The following TDRD9 variants were observed in gnomAD, a reference collection of about 807,000 sequenced individuals.
TDRD9 encodes ATP-dependent RNA helicase TDRD9.
Under a neutral mutation model 172.6 loss-of-function variants are expected in TDRD9, and 124 were observed. That is an observed-to-expected ratio of 0.72 (90% CI 0.62 to 0.83). TDRD9 has a LOEUF of 0.83. Among genes scored for constraint, TDRD9 ranks in the 40% least tolerant of loss-of-function variants. The pLI is 0.00. For missense variants in TDRD9, 1,479 were observed against 1,714.1 expected (o/e 0.86, Z 2.42); for synonymous variants, 619 against 617.1 (o/e 1.00, Z -0.05).
intron 6 of TDRD9, 143 bp downstream of exon 6, chr14:103,970,764 T>G: frequency 4.6e-6 from 3 of 648,816 alleles, no homozygotes; most frequent in Non-Finnish European, 8.0e-6. Flanking sequence ...TCAAGTGCCT[T>G]ATATGAAATG....
At chr14:103,934,664 C>A (rs2030635362) in intron 1 of TDRD9, among the ~76,000 whole-genome samples, 1 of 152,204 alleles carries the variant, frequency 6.6e-6, no homozygotes. Flanking sequence ...CGCCTGTAGT[C>A]CCCGCTACTC....
At chr14:104,020,184 C>A (rs1260707889) in intron 23 of TDRD9, among the ~76,000 whole-genome samples, 1 of 152,126 alleles carries the variant, frequency 6.6e-6, no homozygotes, top group Non-Finnish European at 1.5e-5. Flanking sequence ...CACTTGGAGA[C>A]CTTTGAGTGG....
intron 33 of TDRD9, among the ~76,000 whole-genome samples, chr14:104,041,311 G>T (rs1227402950): frequency 6.6e-6 from 1 of 152,174 alleles, no homozygotes; most frequent in East Asian, 1.9e-4. Flanking sequence ...GTGTGACTTT[G>T]GGTGTGGCAT....
chr14:103,933,282 G>C (rs985704487), intron 1 of TDRD9, among the ~76,000 whole-genome samples: 1 of 152,212 alleles, frequency 6.6e-6, no homozygotes, highest in Admixed American at 6.5e-5. Flanking sequence ...GTGGATTGCA[G>C]CCCATGGCTG....
chr14:104,026,573 G>T lies in TDRD9; in HGVS notation c.3022-106G>T, dbSNP rs1438958552. The stretch of plus-strand genomic sequence containing the variant: ...ATTAGTTTTATTGGGACTTTTATGA[G>T]AATATTATTGAAGGTACATGAACAA... On this transcript the variant is annotated intron_variant, in intron 27 of 35. Coordinates refer to ENST00000409874, the MANE Select transcript of TDRD9 (RefSeq NM_153046.3). The T allele has an allele frequency of 5.3e-6, 7 of 1,318,698 alleles. No homozygotes were observed. In the Admixed American group the frequency reaches 1.6e-4, roughly 29 times the overall value. 81.7% of individuals were successfully genotyped at this position (1,318,698 alleles called of 1,614,324 possible). A position where few individuals can be genotyped will look rare whatever the true frequency, so the allele number is the denominator to read the frequency against.
intron 7 of TDRD9, among the ~76,000 whole-genome samples, chr14:103,981,777 A>G (rs1053895088): frequency 6.6e-6 from 1 of 152,264 alleles, no homozygotes; most frequent in Non-Finnish European, 1.5e-5. Flanking sequence ...TAACTTATTG[A>G]ATACTGCACT....
rs1391119867 is a variant in TDRD9, at chr14:103,984,140, CAG to C, written c.1012-2074_1012-2073del. Among the ~76,000 whole-genome samples the C allele has an allele frequency of 1.1e-4, 16 of 152,238 alleles. No homozygotes were observed. The East Asian group carries it at 3.1e-3, about 29-fold the overall frequency. On this transcript the variant is annotated intron_variant, in intron 7 of 35. Transcript: ENST00000409874. ...AAGGCATTCAGTTTTAAAAGGGAAA[CAG>C]AGCATAAAAGTTTGGAAAATTTGCA...
At chr14:104,006,980 T>G in intron 18 of TDRD9, 135 bp downstream of exon 18, 1 of 980,840 alleles carries the variant, frequency 1.0e-6, no homozygotes, top group South Asian at 1.6e-5. Flanking sequence ...TGGTGTCCAG[T>G]GTTAAATTAA....
chr14:103,986,120 A>G (rs962722481), intron 7 of TDRD9, 97 bp from the exon 8 acceptor site: 7 of 797,886 alleles, frequency 8.8e-6, no homozygotes, highest in Non-Finnish European at 1.2e-5. Context: ...AGTTTGTTAC[A>G]GTGTTGTACT....
intron 1 of TDRD9, among the ~76,000 whole-genome samples, chr14:103,952,209 T>TATAC (rs2031936936): frequency 1.2e-5 from 1 of 84,520 alleles, no homozygotes; most frequent in African/African-American, 5.8e-5. Context: ...TATATATATA[T>TATAC]ATATATATAT....
chr14:104,049,656 T>C lies in TDRD9; in HGVS notation c.4023T>C (p.His1341=), dbSNP rs186625998. 5.5e-5 allele frequency: 88 copies of C among 1,590,994 alleles called. No homozygotes were observed. Among genetic ancestry groups the C allele is most frequent in the Non-Finnish European group, 6.9e-5 (81 of 1,168,648 alleles). ...GGGAGAAGATTGTTCCCAAGTGGCA[T>C]GAAAAGCCCTACGAGTGGAATCAGG... The part of the protein sequence containing the change: ...KPREKIVPKW[H]EKPYEWNQVD... The change falls in exon 35 of 36, where the codon CAT becomes CAC. Residue 1341 remains histidine, a synonymous_variant. Transcript: ENST00000409874.
Position 104,015,966 on chromosome 14 carries a change from A to C in TDRD9, c.2224-15A>C. On this transcript the variant is annotated splice_polypyrimidine_tract_variant and intron_variant, in intron 21 of 35. Coordinates refer to ENST00000409874, the MANE Select transcript of TDRD9 (RefSeq NM_153046.3). ...AATAATGCTGTTACTTCATGAAAATAAATTTCTTTTTCAGGTTGTATTGGC... is the reference window on the plus strand; with the variant it reads ...AATAATGCTGTTACTTCATGAAAATCAATTTCTTTTTCAGGTTGTATTGGC... The C allele has an allele frequency of 6.5e-7, 1 of 1,543,914 alleles. No homozygotes were observed. The highest frequency in any genetic ancestry group is 8.8e-7 in the Non-Finnish European group (1 of 1,135,186).
rs1383997448 is a variant in TDRD9 at position 103,975,309 on chromosome 14, A to G, written c.847-80A>G. 23 of 1,379,926 alleles carry G rather than the reference A, an allele frequency of 1.7e-5. No homozygotes were observed. The Admixed American group carries it at 5.3e-4, about 32-fold the overall frequency. The allele number at this position is 1,379,926 out of a possible 1,614,324, so 85.5% of individuals were successfully genotyped here. A position where few individuals can be genotyped will look rare whatever the true frequency, so the allele number is the denominator to read the frequency against. ...GTTGTTAGATAAGGAGTGAAGCAGA[A>G]GAAAAGCCTGCAGTTTTAGAAGTAT... On this transcript the variant is annotated intron_variant, in intron 6 of 35. Coordinates refer to ENST00000409874, the MANE Select transcript of TDRD9 (RefSeq NM_153046.3).
intron 1 of TDRD9, among the ~76,000 whole-genome samples, chr14:103,931,539 C>G (rs1365395007): frequency 1.3e-5 from 2 of 152,128 alleles, no homozygotes; most frequent in South Asian, 4.1e-4. Context: ...CACAACAACA[C>G]TTTGAGGTTG....
chr14:104,040,021 T>C (rs1188654870), intron 32 of TDRD9, among the ~76,000 whole-genome samples, 175 bp from the exon 33 acceptor site: 1 of 150,878 alleles, frequency 6.6e-6, no homozygotes, highest in Admixed American at 6.6e-5. Flanking sequence ...CTTATAACTA[T>C]ATTTTATAAC....
intron 7 of TDRD9, among the ~76,000 whole-genome samples, chr14:103,984,595 A>G (rs186034082): frequency 2.0e-5 from 3 of 152,280 alleles, no homozygotes; most frequent in East Asian, 1.9e-4. Flanking sequence ...AATGTGTAGA[A>G]ATGCCTGGAT....
chr14:104,001,646 G>A (rs1344258811), intron 13 of TDRD9, among the ~76,000 whole-genome samples: 1 of 152,128 alleles, frequency 6.6e-6, no homozygotes, highest in African/African-American at 2.4e-5. Context: ...GTCTCACTCT[G>A]TCGCTGGGCT....
chr14:103,938,797 G>T (rs1297841108), intron 1 of TDRD9, among the ~76,000 whole-genome samples: 4 of 151,914 alleles, frequency 2.6e-5, no homozygotes. Flanking sequence ...ATAGCCTAGT[G>T]TATAAAAACA....
intron 8 of TDRD9, among the ~76,000 whole-genome samples, chr14:103,988,380 G>T (rs2033750539): frequency 6.6e-6 from 1 of 152,086 alleles, no homozygotes; most frequent in Non-Finnish European, 1.5e-5. Context: ...CACCATGTTG[G>T]CCAGGATGGT....
Sources: allele counts gnomAD v4.1 joint callset (sites outside exome capture counted in the v4.1 genomes callset), GRCh38; gene constraint gnomAD v4.1.1; transcripts MANE v1.5; gene names NCBI Gene and HGNC (gene_info 2026-07-23, HGNC 2026-07-21).